The following RAP1A variants were observed in gnomAD, a reference collection of about 807,000 sequenced individuals.
RAP1A encodes the protein RAP1A, member of RAS oncogene family.
A neutral mutation model predicts 26.4 loss-of-function variants in RAP1A; 6 were observed. That is an observed-to-expected ratio of 0.23 (90% CI 0.12 to 0.45). The LOEUF is 0.45. Among genes scored for constraint, RAP1A ranks in the 20% least tolerant of loss-of-function variants. The pLI, the probability that RAP1A is intolerant of heterozygous loss-of-function variation, is 0.99. For missense variants in RAP1A, 121 were observed against 217.2 expected (o/e 0.56, Z 2.78); for synonymous variants, 73 against 79.4 (o/e 0.92, Z 0.43).
intron 1 of RAP1A, among the ~76,000 whole-genome samples, chr1:111,658,062 G>A (rs1024075700): frequency 2.0e-5 from 3 of 152,076 alleles, no homozygotes; most frequent in South Asian, 4.1e-4. Flanking sequence ...TAAATGTTTC[G>A]TGTACACTTG....
At chr1:111,696,786 CTTTTA>C (rs772217243) in intron 3 of RAP1A, among the ~76,000 whole-genome samples, 1 of 152,122 alleles carries the variant, frequency 6.6e-6, no homozygotes, top group African/African-American at 2.4e-5. Flanking sequence ...ACCTTCTTTT[CTTTTA>C]TAAGACCAAT....
At chr1:111,663,034 C>T (rs1439942056) in intron 1 of RAP1A, among the ~76,000 whole-genome samples, 2 of 152,214 alleles carry the variant, frequency 1.3e-5, no homozygotes, top group Non-Finnish European at 1.5e-5. Context: ...CTGCCTCAGC[C>T]TCCTGAGTAG....
At chr1:111,623,553 C>A (rs146147145) in intron 1 of RAP1A, among the ~76,000 whole-genome samples, 3 of 151,998 alleles carry the variant, frequency 2.0e-5, no homozygotes, top group Non-Finnish European at 2.9e-5. Flanking sequence ...ATTACAGGCA[C>A]GTGCCACCAC....
chr1:111,676,176 T>C (rs1241052100), intron 1 of RAP1A, among the ~76,000 whole-genome samples: 1 of 152,216 alleles, frequency 6.6e-6, no homozygotes, highest in South Asian at 2.1e-4. Context: ...GCCAACATGG[T>C]GAAACCCTGT....
intron 6 of RAP1A, among the ~76,000 whole-genome samples, chr1:111,707,991 A>G (rs577370065): frequency 1.3e-5 from 2 of 152,258 alleles, no homozygotes; most frequent in East Asian, 3.9e-4. Flanking sequence ...CCTGGACAAC[A>G]TTGCAAAACC....
intron 1 of RAP1A, among the ~76,000 whole-genome samples, chr1:111,667,638 C>T (rs1459650303): frequency 2.7e-5 from 4 of 150,772 alleles, no homozygotes; most frequent in Non-Finnish European, 5.9e-5. Flanking sequence ...GCCAAGATCG[C>T]GCCATCACAC....
At chr1:111,588,028 C>T (rs1268228803) in intron 1 of RAP1A, among the ~76,000 whole-genome samples, 2 of 152,128 alleles carry the variant, frequency 1.3e-5, no homozygotes, top group Admixed American at 1.3e-4. Flanking sequence ...GACCCACAGC[C>T]TCAAATCTCT....
intron 1 of RAP1A, among the ~76,000 whole-genome samples, chr1:111,558,064 G>GA (rs1657575211): frequency 1.3e-5 from 2 of 152,026 alleles, no homozygotes; most frequent in African/African-American, 4.8e-5. Flanking sequence ...TAAGCAAACA[G>GA]AAAAAGCAGA....
At position 111,713,596 on chromosome 1, in the gene RAP1A, TGAGA is replaced by T. The variant is rs1394244644; in HGVS notation, c.*1198_*1201del. The T allele has an allele frequency of 5.3e-5, 8 of 152,202 alleles. No individual in the cohort carries two copies. Among genetic ancestry groups the T allele is most frequent in the Admixed American group, 3.9e-4 (6 of 15,276 alleles). 9.4% of individuals were successfully genotyped at this position (152,202 alleles called of 1,614,324 possible). A position where few individuals can be genotyped will look rare whatever the true frequency, so the allele number is the denominator to read the frequency against. On this transcript the variant is annotated 3_prime_UTR_variant, in exon 8 of 8. Coordinates refer to ENST00000369709, the MANE Select transcript of RAP1A (RefSeq NM_002884.4). ...AATAGATTGAAGAATTTGAGAGAAG[TGAGA>T]GAAAGTTAAAACACATAAAAGGAAT...
At chr1:111,704,557 T>A in intron 6 of RAP1A, 71 bp downstream of exon 6, 2 of 1,430,270 alleles carry the variant, frequency 1.4e-6, no homozygotes, top group Non-Finnish European at 9.3e-7. Flanking sequence ...GCCAGACTTT[T>A]AAGAAAAAAT....
rs1275457901 is a variant in RAP1A at position 111,715,481 on chromosome 1, A to G, written c.*3080A>G. On this transcript the variant is annotated 3_prime_UTR_variant, in exon 8 of 8. Coordinates refer to ENST00000369709, the MANE Select transcript of RAP1A (RefSeq NM_002884.4). Reference sequence around the variant, plus strand: ...AGAGACATTCTCTCAAGAGTTTACAATCTAATTGGGCAGGGAAGATACTAC... The same window carrying G: ...AGAGACATTCTCTCAAGAGTTTACAGTCTAATTGGGCAGGGAAGATACTAC... 6.6e-6 allele frequency: 1 copy of G among 152,256 alleles called. No individual in the cohort carries two copies. Among genetic ancestry groups the G allele is most frequent in the Non-Finnish European group, 1.5e-5 (1 of 68,050 alleles). 9.4% of individuals were successfully genotyped at this position (152,256 alleles called of 1,614,324 possible). A position where few individuals can be genotyped will look rare whatever the true frequency, so the allele number is the denominator to read the frequency against.
intron 1 of RAP1A, among the ~76,000 whole-genome samples, chr1:111,598,322 T>C (rs1658596892): frequency 6.6e-6 from 1 of 152,196 alleles, no homozygotes; most frequent in African/African-American, 2.4e-5. Context: ...GTAGATACTG[T>C]TATTATGCCA....
chr1:111,645,042 T>C (rs1322091660), intron 1 of RAP1A, among the ~76,000 whole-genome samples: 2 of 152,234 alleles, frequency 1.3e-5, no homozygotes, highest in African/African-American at 2.4e-5. Context: ...TGATTCTCCT[T>C]AATCTCTTTG....
At chr1:111,673,060 T>C (rs1571549221) in intron 1 of RAP1A, among the ~76,000 whole-genome samples, 2 of 152,212 alleles carry the variant, frequency 1.3e-5, no homozygotes, top group Non-Finnish European at 2.9e-5. Flanking sequence ...CTCTGCTCTT[T>C]TGTTCGGCAC....
chr1:111,548,640 G>T (rs531011782), intron 1 of RAP1A, among the ~76,000 whole-genome samples: 2 of 152,132 alleles, frequency 1.3e-5, no homozygotes, highest in Non-Finnish European at 2.9e-5. Flanking sequence ...CTTCAATTAG[G>T]TCACAAACAA....
chr1:111,607,637 G>A (rs1326784911), intron 1 of RAP1A, among the ~76,000 whole-genome samples: 1 of 148,232 alleles, frequency 6.7e-6, no homozygotes, highest in Non-Finnish European at 1.5e-5. Flanking sequence ...TGGCCGGGCG[G>A]GGGGCTGACC....
chr1:111,556,431 TGAACA>T (rs1657495079), intron 1 of RAP1A, among the ~76,000 whole-genome samples: 1 of 152,170 alleles, frequency 6.6e-6, no homozygotes, highest in African/African-American at 2.4e-5. Flanking sequence ...AGTGGGGACT[TGAACA>T]GATATTTGTA....
intron 1 of RAP1A, among the ~76,000 whole-genome samples, chr1:111,645,089 G>T (rs1660022278): frequency 6.6e-6 from 1 of 152,012 alleles, no homozygotes; most frequent in Non-Finnish European, 1.5e-5. Flanking sequence ...AGATGATGAG[G>T]GTCTTATTAA....
chr1:111,616,550 A>G (rs1659018847), upstream of RAP1A, among the ~76,000 whole-genome samples: 1 of 152,068 alleles, frequency 6.6e-6, no homozygotes, highest in African/African-American at 2.4e-5. Flanking sequence ...CTTCCTCTCA[A>G]ACTACTTCTC....
Sources: allele counts gnomAD v4.1 joint callset (sites outside exome capture counted in the v4.1 genomes callset), GRCh38; gene constraint gnomAD v4.1.1; transcripts MANE v1.5; gene names NCBI Gene and HGNC (gene_info 2026-07-23, HGNC 2026-07-21).